The following DUSP4 variants were observed in gnomAD, a reference collection of about 807,000 sequenced individuals.
DUSP4 encodes dual specificity protein phosphatase 4.
DUSP4 carries 12 observed loss-of-function variants against 27.2 expected under a neutral mutation model. That is an observed-to-expected ratio of 0.44 (90% CI 0.28 to 0.71). The LOEUF (loss-of-function observed/expected upper bound fraction) is 0.71, where lower values mean the gene tolerates loss of function less well. Among genes scored for constraint, DUSP4 ranks in the 30% least tolerant of loss-of-function variants. The pLI is 0.14. For missense variants in DUSP4, 448 were observed against 551.3 expected, an observed-to-expected ratio of 0.81 and a Z score of 1.88; for synonymous variants, 257 against 245.2, an observed-to-expected ratio of 1.05 and a Z score of -0.45.
chr8:29,344,749 T>G (rs1469036337), intron 1 of DUSP4, among the ~76,000 whole-genome samples: 1 of 152,142 alleles, frequency 6.6e-6, no homozygotes, highest in East Asian at 1.9e-4. Context: ...AAAGGGCAGA[T>G]TGATAATATC....
At chr8:29,339,500 C>T (rs546218892) in intron 2 of DUSP4, among the ~76,000 whole-genome samples, 3 of 152,132 alleles carry the variant, frequency 2.0e-5, no homozygotes, top group South Asian at 2.1e-4. Flanking sequence ...AGCAGGTCCC[C>T]CAGGGCTTCT....
At chr8:29,345,418 CACCT>C (rs1817716662) in intron 1 of DUSP4, 3 of 1,614,078 alleles carry the variant, frequency 1.9e-6, no homozygotes, top group Non-Finnish European at 2.5e-6. Context: ...AGCTGGCTGA[CACCT>C]AACGCCATGC....
rs756678785 is a variant in DUSP4 at position 29,337,128 on chromosome 8, G to A, written c.1083C>T (p.Thr361=). The part of the protein sequence containing the change: ...RERGKTPATP[T]SQFVFSFPVS... Reference sequence around the variant, plus strand: ...CCGGAAAGCTGAAGACGAACTGCGAGGTGGGGGTGGCGGGGGTCTTGCCCC... The same window carrying A: ...CCGGAAAGCTGAAGACGAACTGCGAAGTGGGGGTGGCGGGGGTCTTGCCCC... The change falls in exon 4 of 4, where the codon ACC becomes ACT. Residue 361 remains threonine, a synonymous_variant. Transcript: ENST00000240100. This position sits in a 1 kb window ranked among gnomAD's most constrained non-coding sequence, Gnocchi z 6.4. The A allele has an allele frequency of 1.7e-5, 28 of 1,611,100 alleles. No individual in the cohort carries two copies. The highest frequency in any genetic ancestry group is 6.7e-5 in the African/African-American group (5 of 74,896).
intron 1 of DUSP4, among the ~76,000 whole-genome samples, chr8:29,343,445 G>T (rs1383904068): frequency 6.6e-6 from 1 of 152,130 alleles, no homozygotes; most frequent in Non-Finnish European, 1.5e-5. Flanking sequence ...TTTATCCATC[G>T]GTGGAAGAAG....
intron 1 of DUSP4, among the ~76,000 whole-genome samples, chr8:29,347,137 T>C (rs76405114): frequency 0.011 from 1,601 of 152,312 alleles, 25 homozygotes; most frequent in African/African-American, 0.037. Context: ...AAGGGGCTTT[T>C]TCTTCCTTTG....
At position 29,337,290 on chromosome 8, in the gene DUSP4, G is replaced by A. The variant is rs149074309; in HGVS notation, c.921C>T (p.Phe307=). 14 of 1,613,332 alleles carry A rather than the reference G, an allele frequency of 8.7e-6. No homozygotes were observed. The highest frequency in any genetic ancestry group is 5.0e-5 in the Admixed American group (3 of 60,008). The part of the protein sequence containing the change: ...MKKRVRLEEA[F]EFVKQRRSII... ...TGCTGCGGCGCTGCTTAACGAACTC[G>A]AAGGCCTCCTCCAGCCTCACCCGTT... Residue 307 remains phenylalanine (F), a synonymous_variant, in exon 4 of 4, where the codon TTC becomes TTT. Transcript: ENST00000240100. The surrounding 1 kb of genome is among the most constrained non-coding windows in gnomAD (Gnocchi z 6.4).
At chr8:29,339,056 A>G (rs1817618580) in intron 2 of DUSP4, among the ~76,000 whole-genome samples, 1 of 152,152 alleles carries the variant, frequency 6.6e-6, no homozygotes, top group African/African-American at 2.4e-5. Context: ...GATGGTGCAC[A>G]CCTGTAGTCT....
Position 29,348,188 on chromosome 8 carries a change from C to T in DUSP4, c.433+1658G>A, listed in dbSNP as rs546611591. 251 of 985,648 alleles carry T rather than the reference C, an allele frequency of 2.5e-4. 1 individual carries two copies. The highest frequency in any genetic ancestry group is 2.9e-4 in the Non-Finnish European group (242 of 830,056). 61.1% of individuals were successfully genotyped at this position (985,648 alleles called of 1,614,324 possible). The stretch of plus-strand genomic sequence containing the variant: ...GCGAAGGAAGGCGCGCCCGCGCTCT[C>T]CATCGGGGGGACTCGAGGGCAGCGC... On this transcript the variant is annotated intron_variant, in intron 1 of 3. Transcript: ENST00000240100.
chr8:29,349,325 AC>A (rs1158539583), intron 1 of DUSP4, among the ~76,000 whole-genome samples: 1 of 152,236 alleles, frequency 6.6e-6, no homozygotes, highest in Non-Finnish European at 1.5e-5. Context: ...AGTGTGTGCA[AC>A]CCAATCTCCC....
rs1465345037 is a variant in DUSP4, at chr8:29,336,989, G to A, written c.*37C>T. On this transcript the variant is annotated 3_prime_UTR_variant, in exon 4 of 4. Coordinates refer to ENST00000240100, the MANE Select transcript of DUSP4 (RefSeq NM_001394.7). ...GCATGCGGCCCGTCCTACCCTTGCT[G>A]GGAGCCAGCTCTGGTTCTGGGGCCC... is the stretch of plus-strand genomic sequence containing the variant. The A allele has an allele frequency of 1.3e-6, 2 of 1,536,034 alleles. No individual in the cohort carries two copies. Among genetic ancestry groups the A allele is most frequent in the Admixed American group, 4.2e-5 (2 of 47,594 alleles).
At position 29,350,536 on chromosome 8, in the gene DUSP4, G is replaced by T; in HGVS notation, c.-258C>A. The T allele has an allele frequency of 1.9e-6, 1 of 517,564 alleles. No homozygotes were observed. The highest frequency in any genetic ancestry group is 3.4e-6 in the Non-Finnish European group (1 of 296,076). 32.1% of individuals were successfully genotyped at this position (517,564 alleles called of 1,614,324 possible). A position where few individuals can be genotyped will look rare whatever the true frequency, so the allele number is the denominator to read the frequency against. On this transcript the variant is annotated 5_prime_UTR_variant, in exon 1 of 4. Coordinates refer to ENST00000240100, the MANE Select transcript of DUSP4 (RefSeq NM_001394.7). ...CAGAGCGGAGGGGGAGGCGCCGGTG[G>T]AGGAGAGTGTGTTTACGAGAGAGGA...
At chr8:29,346,006 C>T (rs1817729464) in intron 1 of DUSP4, 6 of 985,940 alleles carry the variant, frequency 6.1e-6, no homozygotes, top group Non-Finnish European at 6.0e-6. Flanking sequence ...TATTGACATC[C>T]CCCAGAGCTG....
Position 29,337,384 on chromosome 8 carries a change from A to G in DUSP4, c.827T>C (p.Val276Ala), listed in dbSNP as rs1400455223. 1.9e-6 allele frequency: 3 copies of G among 1,608,634 alleles called. No homozygotes were observed. The highest frequency in any genetic ancestry group is 2.2e-5 in the East Asian group (1 of 44,860). The change falls in exon 4 of 4, where the codon GTG (valine) becomes GCG (alanine). Residue 276 changes from valine to alanine, a missense_variant. Physicochemically the swap from Val to Ala is moderately conservative, Grantham distance 64 (BLOSUM62 0). Transcript: ENST00000240100. This position sits in a 1 kb window ranked among gnomAD's most constrained non-coding sequence, Gnocchi z 6.4. ...GATGCCCGCCTGGCAGTGCACCAGCACGCGCCCACGGCAGTCCTTCACGGC... is the reference window on the plus strand; with the variant it reads ...GATGCCCGCCTGGCAGTGCACCAGCGCGCGCCCACGGCAGTCCTTCACGGC... ...IDAVKDCRGR[V>A]LVHCQAGISR...
rs1817609006 is a variant in DUSP4, at chr8:29,338,395, G to A, written c.686C>T (p.Ser229Phe). The change falls in exon 3 of 4, where the codon TCC (serine) becomes TTC (phenylalanine). Residue 229 changes from serine (S) to phenylalanine (F), a missense_variant. Around this residue, in one of 3 missense-constraint regions of DUSP4, gnomAD observed 345 missense variants for 394.0 expected, o/e 0.88. Coordinates refer to ENST00000240100, the MANE Select transcript of DUSP4 (RefSeq NM_001394.7). ...ALGITALLNV[S>F]SDCPNHFEGH... ...TTCAAAGTGGTTTGGGCAGTCCGAG[G>A]AGACATTCAACAGAGCCGTGATGCC... 6.2e-7 allele frequency: 1 copy of A among 1,614,052 alleles called. No homozygotes were observed. The highest frequency in any genetic ancestry group is 1.3e-5 in the African/African-American group (1 of 74,902).
In DUSP4 at chr8:29,337,494, G is replaced by A. The variant is rs1817597088; in HGVS notation, c.800-83C>T. The A allele has an allele frequency of 1.3e-6, 2 of 1,505,000 alleles. No individual in the cohort carries two copies. Among genetic ancestry groups the A allele is most frequent in the Non-Finnish European group, 8.8e-7 (1 of 1,134,714 alleles). 93.2% of individuals were successfully genotyped at this position (1,505,000 alleles called of 1,614,324 possible). A position where few individuals can be genotyped will look rare whatever the true frequency, so the allele number is the denominator to read the frequency against. Reference sequence around the variant, plus strand: ...GGGCACCGGCCAGCCCCTGGGGTCGGGGGGCTCTGAAGGAAGGACTAGCCG... The same window carrying A: ...GGGCACCGGCCAGCCCCTGGGGTCGAGGGGCTCTGAAGGAAGGACTAGCCG... On this transcript the variant is annotated intron_variant, in intron 3 of 3. Transcript: ENST00000240100. This position sits in a 1 kb window ranked among gnomAD's most constrained non-coding sequence, Gnocchi z 6.4.
At chr8:29,345,405 G>A (rs1365772462) in intron 1 of DUSP4, 2 of 1,613,668 alleles carry the variant, frequency 1.2e-6, no homozygotes, top group Admixed American at 3.3e-5. Context: ...GGACCTTCCT[G>A]CCAGCTGGCT....
At position 29,335,213 on chromosome 8, in the gene DUSP4, C is replaced by T. The variant is rs147913032; in HGVS notation, c.*1813G>A. 6.6e-6 allele frequency: 1 copy of T among 152,158 alleles called. No individual in the cohort carries two copies. The highest frequency in any genetic ancestry group is 2.1e-4 in the South Asian group (1 of 4,824). 9.4% of individuals were successfully genotyped at this position (152,158 alleles called of 1,614,324 possible). On this transcript the variant is annotated 3_prime_UTR_variant, in exon 4 of 4. Transcript: ENST00000240100. Reference sequence around the variant, plus strand: ...GTAGCTTGTTCCCTCCTCCCTCCCCCCCAAACCCTCCCCACAGAAAACGTG... The same window carrying T: ...GTAGCTTGTTCCCTCCTCCCTCCCCTCCAAACCCTCCCCACAGAAAACGTG...
At chr8:29,339,322 A>G (rs1262067296) in intron 2 of DUSP4, among the ~76,000 whole-genome samples, 4 of 152,198 alleles carry the variant, frequency 2.6e-5, no homozygotes, top group African/African-American at 9.7e-5. Flanking sequence ...AAAGGGCTGG[A>G]GGGTGGGCTT....
At chr8:29,345,189 C>T (rs565957964) in intron 1 of DUSP4, among the ~76,000 whole-genome samples, 33 of 152,338 alleles carry the variant, frequency 2.2e-4, no homozygotes, top group African/African-American at 7.2e-4. Flanking sequence ...AGAATAGTGC[C>T]AGGTCCCAGG....
Sources: allele counts gnomAD v4.1 joint callset (sites outside exome capture counted in the v4.1 genomes callset), GRCh38; gene constraint gnomAD v4.1.1; regional missense constraint gnomAD v4.1.1; non-coding constraint Gnocchi (gnomAD v3.1); transcripts MANE v1.5; gene names NCBI Gene and HGNC (gene_info 2026-07-23, HGNC 2026-07-21).